SDHC: variants seen among roughly 807,000 people sequenced by gnomAD.
SDHC encodes the protein succinate dehydrogenase cytochrome b560 subunit, mitochondrial.
Under a neutral mutation model 22.6 loss-of-function variants are expected in SDHC, and 11 were observed. The observed-to-expected ratio is 0.49, with a 90% CI of 0.31 to 0.81. The LOEUF (loss-of-function observed/expected upper bound fraction) is 0.81, where lower values mean the gene tolerates loss of function less well. Among genes scored for constraint, SDHC ranks in the 30% least tolerant of loss-of-function variants. The pLI is 0.05. For missense variants in SDHC, 160 were observed against 212.0 expected (o/e 0.75, Z 1.52); for synonymous variants, 80 against 77.8 (o/e 1.03, Z -0.15).
intron 1 of SDHC, among the ~76,000 whole-genome samples, chr1:161,321,705 G>C (rs545046526): frequency 1.3e-5 from 2 of 152,192 alleles, no homozygotes; most frequent in South Asian, 4.1e-4. Context: ...TTAAATAGTG[G>C]GCCCTTCTAG....
At chr1:161,358,541 G>A (rs1175464769) in intron 5 of SDHC, among the ~76,000 whole-genome samples, 2 of 152,066 alleles carry the variant, frequency 1.3e-5, no homozygotes, top group Non-Finnish European at 2.9e-5. Flanking sequence ...TAAGGCTGAG[G>A]TGGGAGGATC....
At chr1:161,323,787 T>C in intron 2 of SDHC, 117 bp downstream of exon 2, 1 of 691,816 alleles carries the variant, frequency 1.4e-6, no homozygotes, top group Middle Eastern at 4.3e-4. Flanking sequence ...GCGCCGCCTC[T>C]TGGGTTCACG....
intron 1 of SDHC, among the ~76,000 whole-genome samples, chr1:161,323,047 G>A (rs1391510015): frequency 3.3e-5 from 5 of 151,746 alleles, no homozygotes. Context: ...CACCCGGGCT[G>A]GAGTGCAGTG....
intron 4 of SDHC, among the ~76,000 whole-genome samples, chr1:161,342,657 C>T (rs1055920643): frequency 9.9e-5 from 15 of 152,158 alleles, no homozygotes; most frequent in African/African-American, 3.4e-4. Flanking sequence ...GCTGGGATTA[C>T]AGGCGCCCAC....
At chr1:161,316,296 T>G (rs879036097) in intron 1 of SDHC, among the ~76,000 whole-genome samples, 1 of 152,190 alleles carries the variant, frequency 6.6e-6, no homozygotes, top group Non-Finnish European at 1.5e-5. Flanking sequence ...GACTATCACA[T>G]GGGGAGAAAC....
rs541214235 is a variant in SDHC, at chr1:161,357,870, C to T, written c.405+1030C>T. On this transcript the variant is annotated intron_variant, in intron 5 of 5. Coordinates refer to ENST00000367975, the MANE Select transcript of SDHC (RefSeq NM_003001.5). Reference sequence around the variant, plus strand: ...TGTTGCTGCTTTCATTCTTCCGTTCCTGTTGACCCAGAGTAGTGCTTCTGA... The same window carrying T: ...TGTTGCTGCTTTCATTCTTCCGTTCTTGTTGACCCAGAGTAGTGCTTCTGA... 3.3e-5 allele frequency among the ~76,000 whole-genome samples: 5 copies of T among 152,254 alleles called. No individual in the cohort carries two copies. In the South Asian group the frequency reaches 6.2e-4, roughly 19 times the overall value.
chr1:161,320,891 A>G (rs550602681), intron 1 of SDHC, among the ~76,000 whole-genome samples: 49 of 142,786 alleles, frequency 3.4e-4, no homozygotes, highest in Admixed American at 2.6e-3. Flanking sequence ...CAGTGGCCCA[A>G]TCCCAGCTCA....
intron 5 of SDHC, among the ~76,000 whole-genome samples, chr1:161,358,926 G>T: frequency 9.4e-6 from 1 of 106,198 alleles, no homozygotes; most frequent in African/African-American, 3.1e-5. Flanking sequence ...GCGAAATTCC[G>T]TCTCAAAAAA....
intron 5 of SDHC, among the ~76,000 whole-genome samples, chr1:161,357,075 C>T (rs1308051400): frequency 6.6e-6 from 1 of 151,014 alleles, no homozygotes; most frequent in Non-Finnish European, 1.5e-5. Flanking sequence ...GCGTTATAGA[C>T]GCATGCCACC....
chr1:161,359,934 T>G (rs1672438404), intron 5 of SDHC, among the ~76,000 whole-genome samples: 1 of 152,180 alleles, frequency 6.6e-6, no homozygotes, highest in Admixed American at 6.5e-5. Context: ...TTGTCCTTAT[T>G]TAAGCAAAAC....
intron 1 of SDHC, among the ~76,000 whole-genome samples, 174 bp from the exon 2 acceptor site, chr1:161,323,440 C>T (rs1670914515): frequency 6.6e-6 from 1 of 152,002 alleles, no homozygotes; most frequent in Non-Finnish European, 1.5e-5. Context: ...TTATTATTTT[C>T]AAGTTACTTG....
intron 2 of SDHC, among the ~76,000 whole-genome samples, chr1:161,327,684 C>G (rs1671112323): frequency 6.6e-6 from 1 of 151,988 alleles, no homozygotes; most frequent in Non-Finnish European, 1.5e-5. Flanking sequence ...GCCTCACCCT[C>G]CTAGGTAGGT....
At chr1:161,314,593 C>CA (rs1670533390) in intron 1 of SDHC, 168 bp downstream of exon 1, 2 of 771,696 alleles carry the variant, frequency 2.6e-6, no homozygotes, top group African/African-American at 3.5e-5. Flanking sequence ...CCGTCCCCCC[C>CA]AGCCGCTCCG....
At chr1:161,356,172 T>C (rs534342934) in intron 4 of SDHC, among the ~76,000 whole-genome samples, 37 of 152,238 alleles carry the variant, frequency 2.4e-4, no homozygotes, top group South Asian at 8.3e-4. Flanking sequence ...CTAAAACATA[T>C]GGCACATTTA....
At chr1:161,331,060 A>G (rs1322134565) in intron 3 of SDHC, among the ~76,000 whole-genome samples, 4 of 151,112 alleles carry the variant, frequency 2.6e-5, no homozygotes, top group Admixed American at 2.0e-4. Flanking sequence ...AATTTGCTCC[A>G]TTAGACAAGA....
intron 1 of SDHC, chr1:161,314,631 T>C (rs1670535521): frequency 1.6e-6 from 1 of 614,936 alleles, no homozygotes; most frequent in South Asian, 1.9e-5. Context: ...TCGGGGTCAC[T>C]GACTTCGTAT....
At chr1:161,337,748 G>T (rs1161554435) in intron 3 of SDHC, among the ~76,000 whole-genome samples, 1 of 152,204 alleles carries the variant, frequency 6.6e-6, no homozygotes, top group Non-Finnish European at 1.5e-5. Flanking sequence ...ATTTCTGAAA[G>T]ATTTCTGGAA....
intron 2 of SDHC, 45 bp from the exon 3 acceptor site, chr1:161,328,351 C>A: frequency 7.0e-7 from 1 of 1,438,082 alleles, no homozygotes; most frequent in Non-Finnish European, 9.8e-7. Flanking sequence ...AATATTAAAC[C>A]AAGTTTACTT....
chr1:161,354,330 A>T (rs2102364477), intron 4 of SDHC, among the ~76,000 whole-genome samples: 1 of 152,346 alleles, frequency 6.6e-6, no homozygotes, highest in Middle Eastern at 3.4e-3. Context: ...AAGAAATCTA[A>T]CATCTAATGT....
Sources: allele counts gnomAD v4.1 joint callset (sites outside exome capture counted in the v4.1 genomes callset), GRCh38; gene constraint gnomAD v4.1.1; transcripts MANE v1.5; gene names NCBI Gene and HGNC (gene_info 2026-07-23, HGNC 2026-07-21).